Variants in KIAA1328 observed in about 807,000 individuals in gnomAD.
KIAA1328 encodes the protein KIAA1328.
A neutral mutation model predicts 68.1 loss-of-function variants in KIAA1328; 52 were observed. The observed-to-expected ratio is 0.76, with a 90% CI of 0.61 to 0.96. The LOEUF (loss-of-function observed/expected upper bound fraction) is 0.96. KIAA1328 is among the 40% of genes least tolerant of loss of function. The pLI is 0.00. For synonymous variants in KIAA1328, 232 were observed against 239.4 expected (o/e 0.97, Z 0.28); for missense variants, 641 against 677.6 (o/e 0.95, Z 0.60).
At chr18:37,022,742 C>T (rs1488842357) in intron 6 of KIAA1328, among the ~76,000 whole-genome samples, 1 of 152,124 alleles carries the variant, frequency 6.6e-6, no homozygotes, top group East Asian at 1.9e-4. Flanking sequence ...TATATTTAAT[C>T]TGAAAATAAG....
chr18:36,841,614 G>T (rs529739361), intron 3 of KIAA1328, among the ~76,000 whole-genome samples: 125 of 152,096 alleles, frequency 8.2e-4, no homozygotes, highest in African/African-American at 2.7e-3. Flanking sequence ...AATTGGACAG[G>T]TAGTAAATAC....
At chr18:36,839,676 A>C (rs1164344384) in intron 3 of KIAA1328, among the ~76,000 whole-genome samples, 2 of 152,114 alleles carry the variant, frequency 1.3e-5, no homozygotes, top group Non-Finnish European at 2.9e-5. Flanking sequence ...GACAGTGATA[A>C]ATTATTTGGA....
At chr18:37,000,006 A>G (rs1254965839) in intron 6 of KIAA1328, among the ~76,000 whole-genome samples, 1 of 152,170 alleles carries the variant, frequency 6.6e-6, no homozygotes, top group Non-Finnish European at 1.5e-5. Flanking sequence ...AGCCTATCAT[A>G]TTAATTATAA....
intron 7 of KIAA1328, among the ~76,000 whole-genome samples, chr18:37,121,902 A>G (rs1044668434): frequency 6.6e-6 from 1 of 152,132 alleles, no homozygotes; most frequent in South Asian, 2.1e-4. Flanking sequence ...ATGAATGGCC[A>G]TTGAAACCAA....
At chr18:36,982,428 A>T (rs1246665902) in intron 6 of KIAA1328, among the ~76,000 whole-genome samples, 1 of 151,820 alleles carries the variant, frequency 6.6e-6, no homozygotes, top group Non-Finnish European at 1.5e-5. Context: ...AATGGAAAAA[A>T]TGATAAATAT....
intron 6 of KIAA1328, among the ~76,000 whole-genome samples, chr18:37,011,075 G>C (rs761893962): frequency 2.4e-4 from 36 of 152,060 alleles, no homozygotes; most frequent in Non-Finnish European, 4.7e-4. Context: ...TGACAGCCTA[G>C]CTCTCACTGC....
intron 6 of KIAA1328, among the ~76,000 whole-genome samples, chr18:37,018,866 T>C (rs1293923669): frequency 6.6e-6 from 1 of 152,168 alleles, no homozygotes; most frequent in Non-Finnish European, 1.5e-5. Context: ...TTTTTAACCT[T>C]GTCTTGAATC....
chr18:37,133,855 T>A (rs540014677), intron 7 of KIAA1328, among the ~76,000 whole-genome samples: 1 of 152,068 alleles, frequency 6.6e-6, no homozygotes, highest in Non-Finnish European at 1.5e-5. Context: ...TTAAAAACAT[T>A]CGCATGACAA....
intron 4 of KIAA1328, among the ~76,000 whole-genome samples, chr18:36,869,956 G>A (rs1024707799): frequency 3.3e-5 from 5 of 151,930 alleles, no homozygotes; most frequent in South Asian, 2.1e-4. Context: ...TCTGCCTCCC[G>A]GGTTCAAGAG....
chr18:36,988,454 GTTAGACAT>G (rs1209929497), intron 6 of KIAA1328, among the ~76,000 whole-genome samples: 1 of 152,166 alleles, frequency 6.6e-6, no homozygotes, highest in Admixed American at 6.5e-5. Flanking sequence ...ACTTGGGAAT[GTTAGACAT>G]TTGGCTGTAT....
At chr18:36,971,904 G>A (rs2052233907) in intron 6 of KIAA1328, among the ~76,000 whole-genome samples, 2 of 152,080 alleles carry the variant, frequency 1.3e-5, no homozygotes, top group South Asian at 4.2e-4. Context: ...ATAACTATGG[G>A]TACTGTGCTT....
At chr18:37,146,912 G>A (rs1454848101) in intron 7 of KIAA1328, among the ~76,000 whole-genome samples, 1 of 152,158 alleles carries the variant, frequency 6.6e-6, no homozygotes, top group African/African-American at 2.4e-5. Flanking sequence ...GGGACCTAAT[G>A]GAAGGTGTTT....
intron 6 of KIAA1328, among the ~76,000 whole-genome samples, chr18:37,066,602 C>T (rs561287244): frequency 1.3e-5 from 2 of 152,282 alleles, no homozygotes; most frequent in African/African-American, 4.8e-5. Flanking sequence ...TTATGTAACT[C>T]TCTTTATTTG....
intron 7 of KIAA1328, among the ~76,000 whole-genome samples, chr18:37,146,231 T>C (rs2058895706): frequency 6.6e-6 from 1 of 152,114 alleles, no homozygotes; most frequent in Admixed American, 6.6e-5. Context: ...TCTTCTCCTC[T>C]ACCTCCTCCC....
chr18:37,109,519 A>AT (rs1170415747), intron 7 of KIAA1328, among the ~76,000 whole-genome samples: 3 of 152,158 alleles, frequency 2.0e-5, no homozygotes, highest in Non-Finnish European at 4.4e-5. Context: ...CAATTCATAG[A>AT]TTTTTTTCAG....
At chr18:36,973,552 A>C (rs2052328196) in intron 6 of KIAA1328, among the ~76,000 whole-genome samples, 1 of 152,124 alleles carries the variant, frequency 6.6e-6, no homozygotes, top group Non-Finnish European at 1.5e-5. Context: ...ATTGTAGCCC[A>C]GATGCTACTA....
intron 5 of KIAA1328, among the ~76,000 whole-genome samples, chr18:36,888,024 C>G (rs2048558317): frequency 1.3e-5 from 2 of 152,196 alleles, no homozygotes; most frequent in Non-Finnish European, 2.9e-5. Flanking sequence ...ATATTTAGCA[C>G]TCTCTGGGTC....
chr18:36,856,821 A>G (rs2150868555), intron 4 of KIAA1328, among the ~76,000 whole-genome samples: 1 of 152,270 alleles, frequency 6.6e-6, no homozygotes, highest in East Asian at 1.9e-4. Flanking sequence ...TCAGCTTCCC[A>G]GAGTTTGCTG....
chr18:37,009,670 A>G (rs1198172659), intron 6 of KIAA1328, among the ~76,000 whole-genome samples: 2 of 152,198 alleles, frequency 1.3e-5, no homozygotes, highest in African/African-American at 2.4e-5. Context: ...CAACAGGTCA[A>G]TTTGAAAGCC....
Sources: allele counts gnomAD v4.1 joint callset (sites outside exome capture counted in the v4.1 genomes callset), GRCh38; gene constraint gnomAD v4.1.1; transcripts MANE v1.5; gene names NCBI Gene and HGNC (gene_info 2026-07-23, HGNC 2026-07-21).